The following USP48 variants were observed in gnomAD, a reference collection of about 807,000 sequenced individuals.
The protein encoded by USP48 is ubiquitin carboxyl-terminal hydrolase 48.
In USP48, 43 loss-of-function variants were observed where a neutral mutation model predicts 150.7. The observed-to-expected ratio is 0.29, with a 90% CI of 0.22 to 0.37. The LOEUF (loss-of-function observed/expected upper bound fraction) is 0.37, where lower values mean the gene tolerates loss of function less well. USP48 is among the 10% of genes least tolerant of loss of function. The probability of loss-of-function intolerance (pLI) is 1.00; values close to 1 mark genes in which losing one functional copy is unlikely to be tolerated. For missense variants in USP48, 813 were observed against 1,249.6 expected (o/e 0.65, Z 5.27); for synonymous variants, 396 against 425.9 (o/e 0.93, Z 0.86).
chr1:21,708,800 G>A (rs1196222975), intron 15 of USP48, among the ~76,000 whole-genome samples: 1 of 143,678 alleles, frequency 7.0e-6, no homozygotes, highest in Non-Finnish European at 1.5e-5. Flanking sequence ...CAGGAGAATC[G>A]CTTGAACCCG....
intron 9 of USP48, among the ~76,000 whole-genome samples, chr1:21,733,294 G>A (rs1414668916): frequency 6.6e-6 from 1 of 152,122 alleles, no homozygotes; most frequent in Non-Finnish European, 1.5e-5. Flanking sequence ...GCACGTGCCT[G>A]TAATCCTAGT....
chr1:21,709,000 C>T (rs1571800218), intron 15 of USP48, among the ~76,000 whole-genome samples: 1 of 151,786 alleles, frequency 6.6e-6, no homozygotes, highest in East Asian at 1.9e-4. Context: ...GCCTCGACCT[C>T]CTGGGCTCAA....
intron 1 of USP48, among the ~76,000 whole-genome samples, chr1:21,759,878 G>A (rs748999015): frequency 1.3e-5 from 2 of 152,176 alleles, no homozygotes; most frequent in Admixed American, 1.3e-4. Flanking sequence ...GGATGCTAAC[G>A]TAGGCAAGTT....
At chr1:21,738,442 G>A (rs1253137859) in intron 8 of USP48, among the ~76,000 whole-genome samples, 4 of 142,596 alleles carry the variant, frequency 2.8e-5, no homozygotes, top group East Asian at 2.1e-4. Context: ...TGCAACCTCC[G>A]CCCCCCTGGG....
intron 6 of USP48, among the ~76,000 whole-genome samples, chr1:21,750,960 A>C (rs1398708969): frequency 6.6e-6 from 1 of 152,152 alleles, no homozygotes; most frequent in African/African-American, 2.4e-5. Flanking sequence ...AGGAAGTAAG[A>C]AAGCACAAAA....
chr1:21,711,628 C>T (rs1172710259), intron 15 of USP48, among the ~76,000 whole-genome samples: 1 of 152,276 alleles, frequency 6.6e-6, no homozygotes, highest in East Asian at 1.9e-4. Flanking sequence ...ACGGAAAAAC[C>T]TTAGTGGCCC....
chr1:21,780,153 T>A (rs2097910847), intron 1 of USP48, among the ~76,000 whole-genome samples: 1 of 152,144 alleles, frequency 6.6e-6, no homozygotes, highest in Non-Finnish European at 1.5e-5. Flanking sequence ...GTGGAAATAA[T>A]CAAAATGTCC....
chr1:21,690,217 C>A, intron 23 of USP48, 118 bp from the exon 24 acceptor site: 2 of 1,209,390 alleles, frequency 1.7e-6, no homozygotes, highest in Non-Finnish European at 2.2e-6. Flanking sequence ...GAGTACAAAA[C>A]CACTATTGTT....
At chr1:21,687,639 G>A (rs1172877119) in intron 24 of USP48, among the ~76,000 whole-genome samples, 1 of 152,264 alleles carries the variant, frequency 6.6e-6, no homozygotes, top group Non-Finnish European at 1.5e-5. Flanking sequence ...ATACCAATTA[G>A]GTTAAAATTA....
intron 8 of USP48, among the ~76,000 whole-genome samples, chr1:21,739,087 T>A (rs1170418882): frequency 1.3e-5 from 2 of 152,132 alleles, no homozygotes; most frequent in Non-Finnish European, 2.9e-5. Context: ...TCTGCGAGTG[T>A]TAGGGGAACA....
chr1:21,748,195 C>T lies in USP48; in HGVS notation c.851G>A (p.Arg284Gln). 1.2e-6 allele frequency: 2 copies of T among 1,614,024 alleles called. No homozygotes were observed. Among genetic ancestry groups the T allele is most frequent in the Non-Finnish European group, 1.7e-6 (2 of 1,179,982 alleles). Residue 284 changes from arginine (R) to glutamine (Q), a missense_variant, in exon 7 of 27, where the codon CGA (arginine) becomes CAA (glutamine). Arg to Gln is a conservative substitution (Grantham distance 43). Coordinates refer to ENST00000308271, the MANE Select transcript of USP48 (RefSeq NM_032236.8). ...CAGAGTGCAAGGAAGGCTAAGAAGT[C>T]GAATCTTTCTTGTTGCATTCTGTTT... is the stretch of plus-strand genomic sequence containing the variant. ...QSKQNATRKI[R>Q]LLSLPCTLNL...
At chr1:21,776,650 A>G (rs1310784049) in intron 1 of USP48, among the ~76,000 whole-genome samples, 2 of 144,620 alleles carry the variant, frequency 1.4e-5, no homozygotes, top group Admixed American at 7.0e-5. Flanking sequence ...AGCTTTTTGG[A>G]TATCTAAATA....
At chr1:21,723,102 C>A (rs1411671263) in intron 12 of USP48, among the ~76,000 whole-genome samples, 1 of 152,226 alleles carries the variant, frequency 6.6e-6, no homozygotes, top group East Asian at 1.9e-4. Context: ...AACAGAAAGG[C>A]AGCCAAAACA....
At chr1:21,744,777 T>TAAA (rs10699993) in intron 8 of USP48, among the ~76,000 whole-genome samples, 4,746 of 59,418 alleles carry the variant, frequency 0.08, 476 homozygotes, top group Middle Eastern at 0.14. Flanking sequence ...ACTCTATCTC[T>TAAA]AAAAAAAAAA....
chr1:21,701,381 A>AG, intron 22 of USP48, 117 bp downstream of exon 22: 1 of 709,588 alleles, frequency 1.4e-6, no homozygotes, highest in Non-Finnish European at 2.2e-6. Flanking sequence ...AAAAAAAAAA[A>AG]GAAAAAAAAA....
intron 1 of USP48, among the ~76,000 whole-genome samples, chr1:21,782,529 C>T (rs2097917054): frequency 6.6e-6 from 1 of 152,222 alleles, no homozygotes; most frequent in South Asian, 2.1e-4. Flanking sequence ...GGCCAAGATA[C>T]CCCAACCATC....
At chr1:21,699,192 ATTTTTT>A (rs71016932) in intron 22 of USP48, among the ~76,000 whole-genome samples, 1 of 63,612 alleles carries the variant, frequency 1.6e-5, no homozygotes, top group African/African-American at 5.8e-5. Flanking sequence ...ACCACACCTA[ATTTTTT>A]TTTTTTTTTT....
Position 21,704,296 on chromosome 1 carries a change from T to G in USP48, c.2481A>C (p.Val827=). ...AAATATACTGTGTTTCTGAAGGGTT[T>G]ACATCTCCCACTTCAATTCTCGTGA... ...IKITRIEVGD[V]NPSETQYISE... The change falls in exon 20 of 27, where the codon GTA becomes GTC. Residue 827 remains valine, a synonymous_variant. Transcript: ENST00000308271. The G allele has an allele frequency of 1.2e-6, 2 of 1,613,796 alleles. No homozygotes were observed. The highest frequency in any genetic ancestry group is 8.5e-7 in the Non-Finnish European group (1 of 1,179,898).
chr1:21,776,434 A>C (rs547835957), intron 1 of USP48, among the ~76,000 whole-genome samples: 23 of 152,170 alleles, frequency 1.5e-4, no homozygotes, highest in Non-Finnish European at 2.8e-4. Context: ...TGCAAAGAGA[A>C]GAAATAAACA....
Sources: allele counts gnomAD v4.1 joint callset (sites outside exome capture counted in the v4.1 genomes callset), GRCh38; gene constraint gnomAD v4.1.1; transcripts MANE v1.5; gene names NCBI Gene and HGNC (gene_info 2026-07-23, HGNC 2026-07-21).